ANKS1B: variants seen among roughly 807,000 people sequenced by gnomAD.
ANKS1B encodes the protein ankyrin repeat and sterile alpha motif domain-containing protein 1B.
A neutral mutation model predicts 148.3 loss-of-function variants in ANKS1B; 36 were observed. The observed-to-expected ratio is 0.24, with a 90% CI of 0.19 to 0.32. ANKS1B has a LOEUF of 0.32. Among genes scored for constraint, ANKS1B ranks in the 10% least tolerant of loss-of-function variants. ANKS1B has a pLI of 1.00. For synonymous variants in ANKS1B, 542 were observed against 560.8 expected (o/e 0.97, Z 0.47); for missense variants, 1,157 against 1,542.6 (o/e 0.75, Z 4.19).
intron 15 of ANKS1B, among the ~76,000 whole-genome samples, chr12:99,127,867 G>A (rs1234437670): frequency 6.6e-6 from 1 of 152,278 alleles, no homozygotes; most frequent in East Asian, 1.9e-4. Context: ...TAAATAAAAT[G>A]TAATCCTTTT....
intron 9 of ANKS1B, among the ~76,000 whole-genome samples, chr12:99,527,879 G>A (rs2096942618): frequency 7.0e-6 from 1 of 142,482 alleles, no homozygotes; most frequent in Admixed American, 6.9e-5. Context: ...AATTCATATG[G>A]GACCAAAAAA....
chr12:99,506,308 A>G (rs1333494372), intron 9 of ANKS1B, among the ~76,000 whole-genome samples: 1 of 152,072 alleles, frequency 6.6e-6, no homozygotes, highest in East Asian at 1.9e-4. Context: ...AAGATTTAGT[A>G]CGAATTCCTA....
intron 17 of ANKS1B, chr12:98,895,198 C>T (rs572633534): frequency 4.6e-5 from 45 of 984,796 alleles, no homozygotes; most frequent in African/African-American, 5.3e-5. Context: ...GGCTGCAGGG[C>T]GCCTAGCACT....
intron 12 of ANKS1B, among the ~76,000 whole-genome samples, chr12:99,312,556 C>T (rs2083327529): frequency 6.6e-6 from 1 of 152,038 alleles, no homozygotes; most frequent in African/African-American, 2.4e-5. Context: ...AGTATATATT[C>T]CTAAAACCTG....
intron 10 of ANKS1B, among the ~76,000 whole-genome samples, chr12:99,453,457 C>T (rs1037012647): frequency 3.3e-5 from 5 of 152,130 alleles, no homozygotes; most frequent in African/African-American, 1.2e-4. Flanking sequence ...CAAAGGCCTA[C>T]GTGGCATGGT....
chr12:99,683,583 A>T (rs1401104500), intron 8 of ANKS1B, among the ~76,000 whole-genome samples: 1 of 152,178 alleles, frequency 6.6e-6, no homozygotes. Flanking sequence ...TATTAACATT[A>T]TTCCAAAAGA....
intron 9 of ANKS1B, among the ~76,000 whole-genome samples, chr12:99,558,794 T>C (rs1483654812): frequency 1.3e-5 from 2 of 152,136 alleles, no homozygotes; most frequent in Non-Finnish European, 2.9e-5. Flanking sequence ...GCCCAAAAGC[T>C]AAAGCCTCCT....
At chr12:99,256,083 A>G (rs189864455) in intron 12 of ANKS1B, among the ~76,000 whole-genome samples, 5 of 151,954 alleles carry the variant, frequency 3.3e-5, no homozygotes, top group Admixed American at 2.0e-4. Context: ...AACCCTGTCT[A>G]TACTAAAAAT....
At chr12:99,270,839 G>T (rs1292620235) in intron 12 of ANKS1B, among the ~76,000 whole-genome samples, 10 of 152,196 alleles carry the variant, frequency 6.6e-5, no homozygotes, top group African/African-American at 4.8e-5. Flanking sequence ...GTTCAAAAAA[G>T]AATATTTTAA....
exon 10 of ANKS1B, chr12:98,735,010 G>A (rs1302251078): frequency 2.1e-5 from 8 of 389,258 alleles, no homozygotes; most frequent in East Asian, 3.6e-5. Flanking sequence ...CTCCTTGGGA[G>A]GCTAAGACAG....
intron 12 of ANKS1B, among the ~76,000 whole-genome samples, chr12:99,293,614 TAA>T (rs1258016051): frequency 6.6e-6 from 1 of 152,104 alleles, no homozygotes; most frequent in East Asian, 1.9e-4. Context: ...TTGGACTGGG[TAA>T]AAGTTTCTTG....
intron 1 of ANKS1B, among the ~76,000 whole-genome samples, chr12:99,909,171 T>C (rs1039745600): frequency 8.5e-5 from 13 of 152,092 alleles, no homozygotes; most frequent in African/African-American, 3.1e-4. Context: ...ATCCATGTTC[T>C]CTCAAATAGC....
At chr12:99,747,991 C>T (rs1412066796) in intron 8 of ANKS1B, among the ~76,000 whole-genome samples, 2 of 151,992 alleles carry the variant, frequency 1.3e-5, no homozygotes, top group African/African-American at 4.8e-5. Flanking sequence ...CACTTTTGGC[C>T]TCATGTGTTC....
intron 17 of ANKS1B, among the ~76,000 whole-genome samples, chr12:99,052,408 G>A (rs991066192): frequency 5.3e-5 from 8 of 152,210 alleles, no homozygotes; most frequent in Non-Finnish European, 1.2e-4. Flanking sequence ...CTCTTGGAGT[G>A]TGGGATTTGT....
chr12:99,058,050 T>C (rs932116326), intron 16 of ANKS1B, among the ~76,000 whole-genome samples: 1 of 152,146 alleles, frequency 6.6e-6, no homozygotes, highest in Non-Finnish European at 1.5e-5. Flanking sequence ...TCACTCCTTG[T>C]TTAAAAACCC....
intron 8 of ANKS1B, among the ~76,000 whole-genome samples, chr12:99,733,408 CT>C (rs2059347344): frequency 6.6e-6 from 1 of 152,142 alleles, no homozygotes; most frequent in African/African-American, 2.4e-5. Context: ...AAATTAAAAG[CT>C]TGCCATGATA....
intron 12 of ANKS1B, among the ~76,000 whole-genome samples, chr12:99,388,340 T>TTGGGAA (rs1373005696): frequency 6.6e-6 from 1 of 152,162 alleles, no homozygotes; most frequent in Admixed American, 6.5e-5. Context: ...AATTGGTATT[T>TTGGGAA]TGGGAATGAT....
At chr12:98,826,519 T>C (rs372472376) in intron 19 of ANKS1B, among the ~76,000 whole-genome samples, 4 of 151,444 alleles carry the variant, frequency 2.6e-5, no homozygotes, top group African/African-American at 9.7e-5. Context: ...GAACTTAAGG[T>C]TTCTGGCCCA....
At chr12:98,849,231 C>CT (rs1555405913) in intron 17 of ANKS1B, among the ~76,000 whole-genome samples, 4,081 of 144,848 alleles carry the variant, frequency 0.028, 125 homozygotes, top group African/African-American at 0.076. Context: ...CCCAGCATTT[C>CT]TTTTTTTTTT....
Sources: gnomAD v4.1 joint callset for allele counts (sites outside exome capture counted in the v4.1 genomes callset) on GRCh38, gnomAD v4.1.1 for gene constraint, MANE v1.5 for transcripts, NCBI Gene and HGNC (gene_info 2026-07-23, HGNC 2026-07-21) for gene names.